The following MALRD1 variants were observed in gnomAD, a reference collection of about 807,000 sequenced individuals.
MALRD1 encodes MAM and LDL receptor class A domain containing 1.
Under a neutral mutation model 242.1 loss-of-function variants are expected in MALRD1, and 247 were observed. The observed-to-expected ratio is 1.02, with a 90% CI of 0.92 to 1.13. MALRD1 has a LOEUF of 1.13. MALRD1 is among the 50% of genes most tolerant of loss of function. The pLI, the probability that MALRD1 is intolerant of heterozygous loss-of-function variation, is 0.00. For synonymous variants in MALRD1, 995 were observed against 866.6 expected (o/e 1.15, Z -2.60); for missense variants, 2,989 against 2,533.1 (o/e 1.18, Z -3.86).
At chr10:19,522,329 C>A (rs1833918054) in intron 31 of MALRD1, among the ~76,000 whole-genome samples, 1 of 152,098 alleles carries the variant, frequency 6.6e-6, no homozygotes, top group South Asian at 2.1e-4. Flanking sequence ...ATAGTAGACA[C>A]TATATACTGG....
chr10:19,376,680 C>T (rs1001957941), intron 26 of MALRD1, among the ~76,000 whole-genome samples: 1 of 151,198 alleles, frequency 6.6e-6, no homozygotes, highest in Non-Finnish European at 1.5e-5. Context: ...CTCAGCCTCC[C>T]GAGTAGCTGA....
intron 17 of MALRD1, among the ~76,000 whole-genome samples, chr10:19,208,266 T>A (rs1836875228): frequency 6.6e-6 from 1 of 152,026 alleles, no homozygotes; most frequent in Non-Finnish European, 1.5e-5. Flanking sequence ...CCCATACTGA[T>A]GAATCACAGC....
At chr10:19,608,309 G>C (rs1186298944) in intron 35 of MALRD1, among the ~76,000 whole-genome samples, 1 of 151,722 alleles carries the variant, frequency 6.6e-6, no homozygotes, top group Non-Finnish European at 1.5e-5. Flanking sequence ...TTTTCTATTT[G>C]CATAATCTAG....
intron 13 of MALRD1, among the ~76,000 whole-genome samples, chr10:19,171,903 CATAAT>C (rs1834991181): frequency 7.4e-6 from 1 of 134,632 alleles, no homozygotes; most frequent in Admixed American, 7.7e-5. Flanking sequence ...ATATATATCA[CATAAT>C]ATATGATATA....
chr10:19,228,981 G>GGT (rs3841460), intron 18 of MALRD1, among the ~76,000 whole-genome samples: 15 of 22,502 alleles, frequency 6.7e-4, no homozygotes, highest in Admixed American at 1.4e-3. Flanking sequence ...GAATGCATGT[G>GGT]GTGTGTGTGT....
At chr10:19,602,847 TC>T in intron 34 of MALRD1, among the ~76,000 whole-genome samples, 2 of 152,256 alleles carry the variant, frequency 1.3e-5, no homozygotes, top group East Asian at 3.9e-4. Flanking sequence ...CCACATCCTC[TC>T]CAGCACCTGT....
At chr10:19,456,258 T>C (rs1380377099) in intron 29 of MALRD1, among the ~76,000 whole-genome samples, 1 of 152,210 alleles carries the variant, frequency 6.6e-6, no homozygotes, top group African/African-American at 2.4e-5. Context: ...TAAAAGAAGC[T>C]GGCATTTTTA....
intron 8 of MALRD1, among the ~76,000 whole-genome samples, chr10:19,128,935 A>G (rs1460429883): frequency 6.6e-6 from 1 of 152,122 alleles, no homozygotes; most frequent in African/African-American, 2.4e-5. Context: ...AATTAGTATA[A>G]CAGATAAAAA....
At chr10:19,717,240 A>G (rs1282021231) in intron 38 of MALRD1, among the ~76,000 whole-genome samples, 2 of 152,208 alleles carry the variant, frequency 1.3e-5, no homozygotes, top group African/African-American at 2.4e-5. Context: ...CCATAAGACA[A>G]CACGTGCTTC....
intron 12 of MALRD1, among the ~76,000 whole-genome samples, chr10:19,161,070 A>C (rs926441679): frequency 2.7e-5 from 4 of 147,916 alleles, no homozygotes. Flanking sequence ...TTATTGCGGC[A>C]CTATTCACAA....
intron 11 of MALRD1, among the ~76,000 whole-genome samples, chr10:19,150,115 A>G (rs756603822): frequency 6.6e-6 from 1 of 152,220 alleles, no homozygotes; most frequent in Non-Finnish European, 1.5e-5. Flanking sequence ...TTGTTTCCAA[A>G]TATTGTCAAA....
chr10:19,344,734 C>G (rs1467632233), intron 24 of MALRD1, among the ~76,000 whole-genome samples: 1 of 150,286 alleles, frequency 6.7e-6, no homozygotes, highest in Non-Finnish European at 1.5e-5. Context: ...GGGGGGGAGT[C>G]ATATTTTTAA....
intron 16 of MALRD1, 136 bp downstream of exon 16, chr10:19,204,549 T>G: frequency 3.1e-6 from 2 of 640,926 alleles, no homozygotes; most frequent in Non-Finnish European, 5.3e-6. Flanking sequence ...TGCATTAAAT[T>G]CATATGATTT....
intron 32 of MALRD1, among the ~76,000 whole-genome samples, chr10:19,566,298 A>ATTTTTTTTTTTT (rs10548629): frequency 2.5e-3 from 281 of 110,992 alleles, no homozygotes; most frequent in Middle Eastern, 6.0e-3. Context: ...TGCCTGGCTA[A>ATTTTTTTTTTTT]TTTTTTTTTT....
intron 7 of MALRD1, among the ~76,000 whole-genome samples, chr10:19,125,736 A>G (rs1441367094): frequency 6.6e-6 from 1 of 151,930 alleles, no homozygotes; most frequent in Non-Finnish European, 1.5e-5. Context: ...GAAAGACCAA[A>G]CTATCATTTA....
At chr10:19,566,335 A>G (rs1836253740) in intron 32 of MALRD1, among the ~76,000 whole-genome samples, 1 of 119,002 alleles carries the variant, frequency 8.4e-6, no homozygotes, top group Non-Finnish European at 1.7e-5. Context: ...TATTTTTAGT[A>G]GAGACGTGTT....
intron 13 of MALRD1, among the ~76,000 whole-genome samples, chr10:19,172,688 T>A (rs1447297214): frequency 3.3e-5 from 5 of 151,656 alleles, no homozygotes; most frequent in Non-Finnish European, 7.4e-5. Flanking sequence ...CAGTTTTCTC[T>A]GAGTAGCACA....
At chr10:19,060,403 C>G (rs985307161) in intron 1 of MALRD1, among the ~76,000 whole-genome samples, 1 of 152,128 alleles carries the variant, frequency 6.6e-6, no homozygotes, top group African/African-American at 2.4e-5. Flanking sequence ...GAACACAGTT[C>G]CTTTTTGATC....
intron 32 of MALRD1, among the ~76,000 whole-genome samples, chr10:19,552,272 G>A (rs949574949): frequency 1.3e-5 from 2 of 152,124 alleles, no homozygotes; most frequent in South Asian, 2.1e-4. Context: ...TTCAGAACTC[G>A]TTATTGGCCT....
Sources: gnomAD v4.1 joint callset for allele counts (sites outside exome capture counted in the v4.1 genomes callset) on GRCh38, gnomAD v4.1.1 for gene constraint, MANE v1.5 for transcripts, NCBI Gene and HGNC (gene_info 2026-07-23, HGNC 2026-07-21) for gene names.